Variants in HPSE2 observed in about 807,000 individuals in gnomAD.
HPSE2 encodes heparanase 2 (inactive).
In HPSE2, 38 loss-of-function variants were observed where a neutral mutation model predicts 60.5. That is an observed-to-expected ratio of 0.63 (90% CI 0.48 to 0.82). HPSE2 has a LOEUF of 0.82. HPSE2 is among the 40% of genes least tolerant of loss of function. The pLI is 0.00. For missense variants in HPSE2, 713 were observed against 740.4 expected (o/e 0.96, Z 0.43); for synonymous variants, 295 against 293.2 (o/e 1.01, Z -0.06).
At chr10:98,996,007 G>T (rs1219183089) in intron 3 of HPSE2, among the ~76,000 whole-genome samples, 2 of 152,044 alleles carry the variant, frequency 1.3e-5, no homozygotes, top group Non-Finnish European at 2.9e-5. Flanking sequence ...CTACAGATTA[G>T]TTAACGATAT....
intron 10 of HPSE2, among the ~76,000 whole-genome samples, chr10:98,489,212 G>T (rs1284990647): frequency 6.6e-6 from 1 of 152,180 alleles, no homozygotes. Context: ...TAAACAGGAA[G>T]TGATGTAAGA....
At chr10:99,071,670 T>C (rs1044516338) in intron 3 of HPSE2, among the ~76,000 whole-genome samples, 1 of 152,210 alleles carries the variant, frequency 6.6e-6, no homozygotes, top group African/African-American at 2.4e-5. Flanking sequence ...TTTCCTCCTA[T>C]GTTTTATCCT....
At chr10:99,303,622 C>T in the HPSE2 span, among the ~76,000 whole-genome samples, 1 of 152,150 alleles carries the variant, frequency 6.6e-6, no homozygotes, top group Non-Finnish European at 1.5e-5. Context: ...TACACCCGTC[C>T]AGGATTAAAC....
At chr10:98,874,793 C>T (rs10883223) in intron 3 of HPSE2, among the ~76,000 whole-genome samples, 67,702 of 151,820 alleles carry the variant, frequency 0.45, 17,679 homozygotes, top group Non-Finnish European at 0.59. Context: ...CCATCAATAT[C>T]AGTTTATTGA....
intron 3 of HPSE2, among the ~76,000 whole-genome samples, chr10:98,790,563 G>A (rs1950633091): frequency 6.6e-6 from 1 of 152,180 alleles, no homozygotes; most frequent in Admixed American, 6.5e-5. Flanking sequence ...AAGTTTTGGT[G>A]ATCCATTGTA....
intron 3 of HPSE2, among the ~76,000 whole-genome samples, chr10:98,771,802 T>C (rs1950246735): frequency 6.6e-6 from 1 of 152,164 alleles, no homozygotes; most frequent in South Asian, 2.1e-4. Flanking sequence ...CTTTTAGAGG[T>C]CTGCAAAAAG....
chr10:99,088,955 T>C (rs1843421792), intron 3 of HPSE2, among the ~76,000 whole-genome samples: 2 of 152,234 alleles, frequency 1.3e-5, no homozygotes, highest in African/African-American at 4.8e-5. Flanking sequence ...TTTTTCATGT[T>C]TGTTGGCCAT....
At chr10:99,072,574 G>C (rs890338100) in intron 3 of HPSE2, among the ~76,000 whole-genome samples, 1 of 152,090 alleles carries the variant, frequency 6.6e-6, no homozygotes, top group African/African-American at 2.4e-5. Context: ...CTGATCATTA[G>C]AGAAATGCAA....
intron 7 of HPSE2, among the ~76,000 whole-genome samples, chr10:98,624,756 G>T (rs1946162863): frequency 1.3e-5 from 2 of 152,170 alleles, no homozygotes; most frequent in South Asian, 4.1e-4. Flanking sequence ...ATACCTGATA[G>T]GATTGTGTTA....
At chr10:99,051,052 C>T (rs1957979619) in intron 3 of HPSE2, among the ~76,000 whole-genome samples, 2 of 151,914 alleles carry the variant, frequency 1.3e-5, no homozygotes, top group African/African-American at 4.8e-5. Flanking sequence ...TAAAAAAGCA[C>T]AAAGTGAACA....
rs547471795 is a variant in HPSE2 at position 98,821,205 on chromosome 10, C to T, written c.611-77149G>A. 1.3e-4 allele frequency among the ~76,000 whole-genome samples: 20 copies of T among 152,158 alleles called. No homozygotes were observed. The South Asian group carries it at 1.5e-3, about 11-fold the overall frequency. On this transcript the variant is annotated intron_variant, in intron 3 of 11. Coordinates refer to ENST00000370552, the MANE Select transcript of HPSE2 (RefSeq NM_021828.5). The stretch of plus-strand genomic sequence containing the variant: ...AGTACAGACATGCATCTCTTAAGTA[C>T]GGGAATACATTCTGAGAAGTGCATT...
At chr10:99,210,072 T>G (rs528533144) in intron 2 of HPSE2, among the ~76,000 whole-genome samples, 1 of 152,088 alleles carries the variant, frequency 6.6e-6, no homozygotes, top group African/African-American at 2.4e-5. Context: ...TAAATAAAAT[T>G]ATAAATGAAA....
chr10:98,548,859 C>T (rs1189037218), intron 9 of HPSE2, among the ~76,000 whole-genome samples: 1 of 152,172 alleles, frequency 6.6e-6, no homozygotes, highest in East Asian at 1.9e-4. Context: ...ATATCTCTCA[C>T]TGTGGCAGGT....
At chr10:98,671,415 A>G (rs1947503531) in intron 6 of HPSE2, among the ~76,000 whole-genome samples, 1 of 152,198 alleles carries the variant, frequency 6.6e-6, no homozygotes, top group Non-Finnish European at 1.5e-5. Context: ...ACTGTTTTGT[A>G]TTACTCACAT....
At chr10:99,147,727 C>T (rs1846106793) in intron 2 of HPSE2, among the ~76,000 whole-genome samples, 1 of 152,030 alleles carries the variant, frequency 6.6e-6, no homozygotes. Flanking sequence ...GTATGAATTC[C>T]TTATTCAACT....
At chr10:99,161,367 A>C (rs984403752) in intron 2 of HPSE2, among the ~76,000 whole-genome samples, 1 of 152,218 alleles carries the variant, frequency 6.6e-6, no homozygotes, top group African/African-American at 2.4e-5. Flanking sequence ...TTCAGAAATA[A>C]AAAGAAACTA....
rs1845453018 is a variant in HPSE2, at chr10:99,132,215, G to GAAAGGA, written c.610+12022_610+12023insTCCTTT. Among the ~76,000 whole-genome samples, 4 of 20,888 alleles carry GAAAGGA rather than the reference G, an allele frequency of 1.9e-4. No homozygotes were observed. The Admixed American group carries it at 2.7e-3, about 14-fold the overall frequency. The allele number at this position is 20,888 out of a possible 152,430, so 13.7% of individuals were successfully genotyped here. ...AAAGAGAGAGAGAGAGAGAGAGAGA[G>GAAAGGA]AGAGAGAGAGAGAGAGAGAGAGAGA... On this transcript the variant is annotated intron_variant, in intron 3 of 11. Transcript: ENST00000370552.
chr10:98,667,502 T>C (rs1044837403), intron 6 of HPSE2, among the ~76,000 whole-genome samples: 3 of 152,164 alleles, frequency 2.0e-5, no homozygotes, highest in African/African-American at 4.8e-5. Context: ...CCAATATCCC[T>C]GATGAACACA....
At chr10:98,464,164 G>A (rs1940426915) in intron 11 of HPSE2, among the ~76,000 whole-genome samples, 1 of 152,162 alleles carries the variant, frequency 6.6e-6, no homozygotes, top group African/African-American at 2.4e-5. Flanking sequence ...GTAAATGCTA[G>A]TCAGCAGTTT....
Sources: gnomAD v4.1 joint callset for allele counts (sites outside exome capture counted in the v4.1 genomes callset) on GRCh38, gnomAD v4.1.1 for gene constraint, MANE v1.5 for transcripts, NCBI Gene and HGNC (gene_info 2026-07-23, HGNC 2026-07-21) for gene names.